The following PARP1 variants were observed in gnomAD, a reference collection of about 807,000 sequenced individuals.
The protein encoded by PARP1 is poly(ADP-ribose) polymerase 1, also known as poly [ADP-ribose] polymerase 1.
In PARP1, 44 loss-of-function variants were observed where a neutral mutation model predicts 118.7. The observed-to-expected ratio is 0.37, with a 90% confidence interval of 0.29 to 0.48. PARP1 has a LOEUF of 0.48. Ranked by LOEUF, PARP1 falls within the 20% of genes least tolerant of loss-of-function variation. PARP1 has a pLI of 0.99. For synonymous variants in PARP1, 492 were observed against 483.2 expected (o/e 1.02, Z -0.24); for missense variants, 1,100 against 1,272.4 (o/e 0.86, Z 2.06).
rs3046773 is a variant in PARP1, at chr1:226,397,153, TAAAAAAAAA to T, written c.287-4848_287-4840del. Among the ~76,000 whole-genome samples the T allele has an allele frequency of 7.1e-5, 9 of 126,170 alleles. No homozygotes were observed. The Admixed American group carries it at 7.5e-4, about 10-fold the overall frequency. The allele number at this position is 126,170 out of a possible 152,430, so 82.8% of individuals were successfully genotyped here. On this transcript the variant is annotated intron_variant, in intron 2 of 22. Transcript: ENST00000366794. ...ACACAGTGAGACTCTGTCTCTATCT[TAAAAAAAAA>T]AAAAAAAAAAAAGTTAAAAAATTAG...
intron 19 of PARP1, among the ~76,000 whole-genome samples, 154 bp downstream of exon 19, chr1:226,364,848 C>A (rs570627186): frequency 1.3e-5 from 2 of 152,334 alleles, no homozygotes; most frequent in East Asian, 3.9e-4. Context: ...AAACCCCTGA[C>A]AGGGTTAGGG....
chr1:226,372,964 G>A (rs942910987), intron 14 of PARP1, among the ~76,000 whole-genome samples: 4 of 152,116 alleles, frequency 2.6e-5, no homozygotes, highest in East Asian at 3.8e-4. Flanking sequence ...ATCACACAGC[G>A]ATTTCAACAA....
rs1290170553 is a variant in PARP1 at position 226,380,114 on chromosome 1, T to G, written c.1351A>C (p.Ile451Leu). 1.2e-6 allele frequency: 2 copies of G among 1,614,058 alleles called. No individual in the cohort carries two copies. Among genetic ancestry groups the G allele is most frequent in the Admixed American group, 3.3e-5 (2 of 60,004 alleles). ...AGGAAGTCCTCAGACACAACTCGGA[T>G]GTTGGCTTCCTTTACTTCCTCCATC... Reference protein sequence around the residue: ...KKMEEVKEANIRVVSEDFLQD... With the variant: ...KKMEEVKEANLRVVSEDFLQD... The change falls in exon 10 of 23, where the codon ATC becomes CTC. Residue 451 changes from isoleucine (I) to leucine (L), a missense_variant. Transcript: ENST00000366794.
At chr1:226,363,640 G>A (rs576375340) in intron 20 of PARP1, among the ~76,000 whole-genome samples, 4 of 152,300 alleles carry the variant, frequency 2.6e-5, no homozygotes, top group East Asian at 3.9e-4. Context: ...TGGAGGAGGC[G>A]GCCTGGGGGA....
At chr1:226,382,794 A>G (rs1664642232) in intron 8 of PARP1, among the ~76,000 whole-genome samples, 1 of 152,190 alleles carries the variant, frequency 6.6e-6, no homozygotes, top group Non-Finnish European at 1.5e-5. Flanking sequence ...CTGGGATTAC[A>G]GGTGTGAGTC....
At chr1:226,399,068 G>A (rs1311335604) in intron 2 of PARP1, among the ~76,000 whole-genome samples, 1 of 146,110 alleles carries the variant, frequency 6.8e-6, no homozygotes, top group Non-Finnish European at 1.5e-5. Flanking sequence ...AAGACATGGA[G>A]GAATCTTTTT....
intron 19 of PARP1, 69 bp downstream of exon 19, chr1:226,364,933 C>T: frequency 1.3e-6 from 2 of 1,572,548 alleles, no homozygotes. Context: ...AGACCTCTTG[C>T]TCAAAGTTCT....
At position 226,361,413 on chromosome 1, in the gene PARP1, T is replaced by C. The variant is rs1294332011; in HGVS notation, c.*47A>G. The C allele has an allele frequency of 7.6e-7, 1 of 1,309,706 alleles. No homozygotes were observed. Among genetic ancestry groups the C allele is most frequent in the Non-Finnish European group, 1.1e-6 (1 of 905,138 alleles). The allele number at this position is 1,309,706 out of a possible 1,614,324, so 81.1% of individuals were successfully genotyped here. On this transcript the variant is annotated 3_prime_UTR_variant, in exon 23 of 23. Coordinates refer to ENST00000366794, the MANE Select transcript of PARP1 (RefSeq NM_001618.4). ...TGAGTTGGTGCAGAAGCGCTTCGGG[T>C]GAATTCATACCAGAGCCACCGGGTG...
chr1:226,391,138 T>C (rs1439755999), intron 3 of PARP1, among the ~76,000 whole-genome samples: 2 of 151,866 alleles, frequency 1.3e-5, no homozygotes, highest in Non-Finnish European at 2.9e-5. Context: ...TGGCTAATTT[T>C]TTTGCAGAGA....
intron 2 of PARP1, among the ~76,000 whole-genome samples, chr1:226,396,569 G>A (rs1664928276): frequency 6.6e-6 from 1 of 152,150 alleles, no homozygotes; most frequent in Non-Finnish European, 1.5e-5. Context: ...GAGGATTTGG[G>A]ATGAATTAAA....
At chr1:226,400,759 C>T (rs1665020157) in intron 2 of PARP1, among the ~76,000 whole-genome samples, 1 of 152,208 alleles carries the variant, frequency 6.6e-6, no homozygotes, top group African/African-American at 2.4e-5. Context: ...TCTGGAAGTG[C>T]AGAGAACCAC....
At chr1:226,396,767 A>G (rs571184643) in intron 2 of PARP1, among the ~76,000 whole-genome samples, 3 of 151,938 alleles carry the variant, frequency 2.0e-5, no homozygotes, top group African/African-American at 7.3e-5. Flanking sequence ...GCAAAACTCT[A>G]TCTCTACTAA....
intron 3 of PARP1, among the ~76,000 whole-genome samples, chr1:226,390,929 T>G (rs1485661294): frequency 1.3e-5 from 2 of 151,670 alleles, no homozygotes; most frequent in African/African-American, 4.9e-5. Context: ...GGGGCAGGCA[T>G]AAAAACACAT....
rs149424805 is a variant in PARP1 at position 226,363,978 on chromosome 1, G to A, written c.2751C>T (p.Gly917=). Residue 917 remains glycine, a synonymous_variant, in exon 20 of 23, where the codon GGC becomes GGT. Transcript: ENST00000366794. The stretch of plus-strand genomic sequence containing the variant: ...GGGCAACTTCTCCCAACAGGATTAA[G>A]CCTATTGGGTCTCCCTGAGACGTAT... The part of the protein sequence containing the change: ...YCHTSQGDPI[G]LILLGEVALG... 1 of 1,613,884 alleles carries A rather than the reference G, an allele frequency of 6.2e-7. No homozygotes were observed. The highest frequency in any genetic ancestry group is 1.7e-5 in the Admixed American group (1 of 60,028).
chr1:226,364,317 T>C, intron 19 of PARP1: 1 of 451,764 alleles, frequency 2.2e-6, no homozygotes, highest in Admixed American at 3.1e-5. Flanking sequence ...TACTTGCCTC[T>C]TTTCTCAAAT....
intron 2 of PARP1, among the ~76,000 whole-genome samples, chr1:226,395,270 C>G (rs1664893314): frequency 6.6e-6 from 1 of 152,170 alleles, no homozygotes; most frequent in African/African-American, 2.4e-5. Context: ...GATTTCACTT[C>G]TGGGTATACA....
intron 1 of PARP1, among the ~76,000 whole-genome samples, chr1:226,407,063 G>T (rs1017366834): frequency 3.3e-5 from 5 of 152,064 alleles, no homozygotes; most frequent in Non-Finnish European, 5.9e-5. Context: ...AAATGACAGG[G>T]GCCTTCAAGC....
intron 1 of PARP1, 58 bp downstream of exon 1, chr1:226,407,752 G>A: frequency 1.3e-6 from 2 of 1,482,582 alleles, no homozygotes; most frequent in Middle Eastern, 2.3e-4. Context: ...AGCCTTCCCG[G>A]ACACAGTTAA....
chr1:226,399,571 T>C (rs1349534723), intron 2 of PARP1, among the ~76,000 whole-genome samples: 1 of 152,200 alleles, frequency 6.6e-6, no homozygotes, highest in East Asian at 1.9e-4. Flanking sequence ...GTGAAAGGAC[T>C]CTGGAGGCTA....
Sources: allele counts gnomAD v4.1 joint callset (sites outside exome capture counted in the v4.1 genomes callset), GRCh38; gene constraint gnomAD v4.1.1; transcripts MANE v1.5; gene names NCBI Gene and HGNC (gene_info 2026-07-23, HGNC 2026-07-21).